The following UNC13D variants were observed in gnomAD, a reference collection of about 807,000 sequenced individuals.
The protein encoded by UNC13D is unc-13 homolog D, also known as protein unc-13 homolog D.
A neutral mutation model predicts 151.7 loss-of-function variants in UNC13D; 115 were observed. The ratio of observed to expected loss-of-function variants is 0.76; its 90% CI spans 0.65 to 0.88. UNC13D has a LOEUF of 0.88. Ranked by LOEUF, UNC13D falls within the 40% of genes least tolerant of loss-of-function variation. UNC13D has a pLI of 0.00. For synonymous variants in UNC13D, 588 were observed against 612.2 expected (o/e 0.96, Z 0.58); for missense variants, 1,369 against 1,438.7 (o/e 0.95, Z 0.78).
intron 17 of UNC13D, 23 bp from the exon 18 acceptor site, chr17:75,835,929 C>A: frequency 6.2e-7 from 1 of 1,614,184 alleles, no homozygotes; most frequent in Non-Finnish European, 8.5e-7. Flanking sequence ...CAGCAGGTGT[C>A]ACCCAGTGGC....
rs1180237380 is a variant in UNC13D, at chr17:75,833,843, CAA to C, written c.2367+230_2367+231del. Reference sequence around the variant, plus strand: ...ATGTGCACCCTGGCCTGTTTGGCTGCAAAGTCTAAGCCGTCCCCAACTGCAGC... The same window carrying C: ...ATGTGCACCCTGGCCTGTTTGGCTGCAGTCTAAGCCGTCCCCAACTGCAGC... On this transcript the variant is annotated intron_variant, in intron 24 of 31. Coordinates refer to ENST00000207549, the MANE Select transcript of UNC13D (RefSeq NM_199242.3). This position sits in a 1 kb window ranked among gnomAD's most constrained non-coding sequence, Gnocchi z 4.0. Among the ~76,000 whole-genome samples, 2 of 152,198 alleles carry C rather than the reference CAA, an allele frequency of 1.3e-5. No homozygotes were observed. Among genetic ancestry groups the C allele is most frequent in the Non-Finnish European group, 2.9e-5 (2 of 68,040 alleles).
rs560279707 is a variant in UNC13D, at chr17:75,828,008, C to G, written c.3230G>C (p.Arg1077Pro). ...AQVFVRLRRHRAKQASQHALR... is the reference protein window; with the variant it reads ...AQVFVRLRRHPAKQASQHALR... Reference sequence around the variant, plus strand: ...GGCATGCTGGGAGGCCTGCTTGGCCCGGTGCCGCCGCAGCCTCACAAAGAC... The same window carrying G: ...GGCATGCTGGGAGGCCTGCTTGGCCGGGTGCCGCCGCAGCCTCACAAAGAC... Residue 1077 changes from arginine (R) to proline (P), a missense_variant, in exon 32 of 32, where the codon CGG becomes CCG. This residue lies in a region of UNC13D where 807 missense variants were observed against 795.5 expected (regional missense o/e 1.01). Transcript: ENST00000207549. 2 of 1,596,746 alleles carry G rather than the reference C, an allele frequency of 1.3e-6. No individual in the cohort carries two copies. The highest frequency in any genetic ancestry group is 8.5e-7 in the Non-Finnish European group (1 of 1,172,982).
At position 75,834,939 on chromosome 17, in the gene UNC13D, A is replaced by G; in HGVS notation, c.1973T>C (p.Ile658Thr). 1 of 1,614,076 alleles carries G rather than the reference A, an allele frequency of 6.2e-7. No individual in the cohort carries two copies. Among genetic ancestry groups the G allele is most frequent in the Non-Finnish European group, 8.5e-7 (1 of 1,180,014 alleles). Reference protein sequence around the residue: ...DWPDPEEAFMITVKFVEDTCR... With the variant: ...DWPDPEEAFMTTVKFVEDTCR... ...CCGCACCTCCACAAACTTGACGGTA[A>G]TCATGAAGGCCTCCTCTGGGTCTGG... The change falls in exon 21 of 32, where the codon ATT (isoleucine) becomes ACT (threonine). Residue 658 changes from isoleucine (I) to threonine (T), a missense_variant. Physicochemically the swap from Ile to Thr is moderately conservative, Grantham distance 89. Transcript: ENST00000207549.
chr17:75,834,824 C>T (rs2064895837), intron 21 of UNC13D, 96 bp downstream of exon 21: 3 of 1,610,608 alleles, frequency 1.9e-6, no homozygotes, highest in Admixed American at 1.7e-5. Flanking sequence ...GAATACAGGC[C>T]TTGGGAGGCT....
intron 12 of UNC13D, 88 bp from the exon 13 acceptor site, chr17:75,837,006 C>CCCTCCTCCAGGGCCCCTGGTGGAGAG: frequency 8.3e-7 from 1 of 1,211,602 alleles, no homozygotes; most frequent in Non-Finnish European, 1.2e-6. Flanking sequence ...GGAATCGCCT[C>CCCTCCTCCAGGGCCCCTGGTGGAGAG]CCATCCACCA....
In UNC13D at chr17:75,832,714, G is replaced by A. The variant is rs914034753; in HGVS notation, c.2447+252C>T. The A allele has an allele frequency of 1.8e-5, 8 of 435,974 alleles. No homozygotes were observed. The highest frequency in any genetic ancestry group is 9.9e-5 in the African/African-American group (5 of 50,508). 27.0% of individuals were successfully genotyped at this position (435,974 alleles called of 1,614,324 possible). A position where few individuals can be genotyped will look rare whatever the true frequency, so the allele number is the denominator to read the frequency against. ...AGGCCTGAGAAGTGGCAAGCTCCCCGTCCCTGCAGCGAGCCTTAGCAGAGC... is the reference window on the plus strand; with the variant it reads ...AGGCCTGAGAAGTGGCAAGCTCCCCATCCCTGCAGCGAGCCTTAGCAGAGC... On this transcript the variant is annotated intron_variant, in intron 25 of 31. Transcript: ENST00000207549. This position sits in a 1 kb window ranked among gnomAD's most constrained non-coding sequence, Gnocchi z 4.3.
In UNC13D at chr17:75,827,618, A is replaced by T. The variant is rs1424831298; in HGVS notation, c.*347T>A. 1.3e-6 allele frequency: 2 copies of T among 1,535,354 alleles called. No homozygotes were observed. The highest frequency in any genetic ancestry group is 1.7e-6 in the Non-Finnish European group (2 of 1,146,754). On this transcript the variant is annotated 3_prime_UTR_variant, in exon 32 of 32. Coordinates refer to ENST00000207549, the MANE Select transcript of UNC13D (RefSeq NM_199242.3). ...CAGTGGCTGGAACAGGAAGGCCAGG[A>T]GGCAGATGGGCCAGGGCCAGGAGAC...
Position 75,842,527 on chromosome 17 carries a change from C to A in UNC13D, c.475G>T (p.Ala159Ser). ...GSPGSRHRQK[A>S]VVRHTIPEEE... ...TCGGGGATGGTGTGCCTCACCACAG[C>A]CTTCTGCCGATGCCGGGACCCGGGG... Residue 159 changes from alanine to serine, a missense_variant, in exon 6 of 32, where the codon GCT becomes TCT. By Grantham distance (99) the Ala-to-Ser change is moderately conservative. Around this residue, in one of 3 missense-constraint regions of UNC13D, gnomAD observed 550 missense variants for 609.0 expected, o/e 0.90. Transcript: ENST00000207549. 1.2e-6 allele frequency: 2 copies of A among 1,612,976 alleles called. No homozygotes were observed. Among genetic ancestry groups the A allele is most frequent in the Non-Finnish European group, 8.5e-7 (1 of 1,179,772 alleles).
chr17:75,841,955 G>A (rs941317253), intron 6 of UNC13D, among the ~76,000 whole-genome samples: 3 of 152,044 alleles, frequency 2.0e-5, no homozygotes, highest in Admixed American at 1.3e-4. Context: ...CACCGTGTTA[G>A]CCAGGATGGT....
intron 6 of UNC13D, among the ~76,000 whole-genome samples, chr17:75,842,064 A>T (rs1307674604): frequency 6.6e-6 from 1 of 151,926 alleles, no homozygotes; most frequent in African/African-American, 2.4e-5. Flanking sequence ...TATTTTTAGT[A>T]GAGATGGGGT....
At chr17:75,829,830 G>A (rs559675427) in intron 30 of UNC13D, 198 bp downstream of exon 30, 10 of 730,062 alleles carry the variant, frequency 1.4e-5, no homozygotes, top group East Asian at 3.0e-5. Context: ...CGCCTGCCTC[G>A]GCCTCCCAAA....
chr17:75,827,799 C>T lies in UNC13D; in HGVS notation c.*166G>A. The stretch of plus-strand genomic sequence containing the variant: ...AGATGTCGCTGCTGAGCCCCCATCA[C>T]CATGGGAGGCAGGGGAGGTCTGCAC... On this transcript the variant is annotated 3_prime_UTR_variant, in exon 32 of 32. Transcript: ENST00000207549. 6.7e-7 allele frequency: 1 copy of T among 1,482,554 alleles called. No individual in the cohort carries two copies. The highest frequency in any genetic ancestry group is 2.5e-5 in the East Asian group (1 of 40,202). The allele number at this position is 1,482,554 out of a possible 1,614,324, so 91.8% of individuals were successfully genotyped here.
At chr17:75,843,318 A>T in intron 2 of UNC13D, 52 bp from the exon 3 acceptor site, 1 of 1,597,356 alleles carries the variant, frequency 6.3e-7, no homozygotes, top group Non-Finnish European at 8.5e-7. Context: ...CCTGGCACCA[A>T]CACCTCTCGC....
intron 27 of UNC13D, 32 bp from the exon 28 acceptor site, chr17:75,830,693 G>A (rs976166369): frequency 7.1e-6 from 11 of 1,553,214 alleles, no homozygotes; most frequent in Non-Finnish European, 9.6e-6. Context: ...GATCCACCTG[G>A]ACTGCACGCC....
chr17:75,827,367 C>A lies in UNC13D; in HGVS notation c.*598G>T. Reference sequence around the variant, plus strand: ...CTGCTTCCGTCTGTCTGTGCCAGCCCTGCCGCCTGCCAGCTCTTGCTCCCT... The same window carrying A: ...CTGCTTCCGTCTGTCTGTGCCAGCCATGCCGCCTGCCAGCTCTTGCTCCCT... On this transcript the variant is annotated 3_prime_UTR_variant, in exon 32 of 32. Transcript: ENST00000207549. 7.7e-7 allele frequency: 1 copy of A among 1,295,292 alleles called. No individual in the cohort carries two copies. Among genetic ancestry groups the A allele is most frequent in the Non-Finnish European group, 1.0e-6 (1 of 988,204 alleles). The allele number at this position is 1,295,292 out of a possible 1,614,324, so 80.2% of individuals were successfully genotyped here.
chr17:75,842,288 TG>T, intron 6 of UNC13D, 144 bp downstream of exon 6: 1 of 1,135,734 alleles, frequency 8.8e-7, no homozygotes, highest in Non-Finnish European at 1.2e-6. Flanking sequence ...CTAACGTGCC[TG>T]GAGATGGGCT....
At chr17:75,835,224 G>T in intron 20 of UNC13D, 161 bp from the exon 21 acceptor site, 1 of 1,408,288 alleles carries the variant, frequency 7.1e-7, no homozygotes, top group Non-Finnish European at 9.6e-7. Flanking sequence ...AGGATCTCAG[G>T]CAAAGTGAAG....
intron 29 of UNC13D, 38 bp from the exon 30 acceptor site, chr17:75,830,189 C>A (rs1364995857): frequency 2.5e-6 from 4 of 1,574,270 alleles, no homozygotes; most frequent in Admixed American, 1.8e-5. Context: ...AGCTGAGGGT[C>A]TCCCAGGCAC....
chr17:75,842,540 C>T lies in UNC13D; in HGVS notation c.462G>A (p.Arg154=). Residue 154 remains arginine (R), a synonymous_variant, in exon 6 of 32, where the codon CGG becomes CGA. Coordinates refer to ENST00000207549, the MANE Select transcript of UNC13D (RefSeq NM_199242.3). ...VGVPGGSPGS[R]HRQKAVVRHT... is the part of the protein sequence containing the mutation. ...GCCTCACCACAGCCTTCTGCCGATG[C>T]CGGGACCCGGGGCTGCCCCCTGGCA... The T allele has an allele frequency of 6.2e-7, 1 of 1,612,518 alleles. No homozygotes were observed. Among genetic ancestry groups the T allele is most frequent in the African/African-American group, 1.3e-5 (1 of 75,052 alleles).
Sources: allele counts gnomAD v4.1 joint callset (sites outside exome capture counted in the v4.1 genomes callset), GRCh38; gene constraint gnomAD v4.1.1; regional missense constraint gnomAD v4.1.1; non-coding constraint Gnocchi (gnomAD v3.1); transcripts MANE v1.5; gene names NCBI Gene and HGNC (gene_info 2026-07-23, HGNC 2026-07-21).